Variants in TMEM131 observed in about 807,000 individuals in gnomAD.
The protein encoded by TMEM131 is transmembrane protein 131.
TMEM131 carries 66 observed loss-of-function variants against 211.6 expected under a neutral mutation model. The ratio of observed to expected loss-of-function variants is 0.31; its 90% CI spans 0.26 to 0.38. The LOEUF is 0.38. TMEM131 is among the 10% of genes least tolerant of loss of function. The pLI is 1.00. For synonymous variants in TMEM131, 844 were observed against 841.3 expected, an observed-to-expected ratio of 1.00 and a Z score of -0.06; for missense variants, 2,036 against 2,299.3, an observed-to-expected ratio of 0.89 and a Z score of 2.34.
intron 1 of TMEM131, among the ~76,000 whole-genome samples, chr2:97,980,101 C>T (rs1011794505): frequency 6.6e-6 from 1 of 152,158 alleles, no homozygotes; most frequent in African/African-American, 2.4e-5. Flanking sequence ...GTTAAGCCTG[C>T]AGTGTCATAT....
chr2:97,826,534 A>G (rs1303404505), intron 11 of TMEM131, among the ~76,000 whole-genome samples: 1 of 152,154 alleles, frequency 6.6e-6, no homozygotes, highest in Non-Finnish European at 1.5e-5. Context: ...AGAGGCAGGG[A>G]AAGACCAGCA....
intron 1 of TMEM131, among the ~76,000 whole-genome samples, chr2:97,936,325 G>C (rs184459505): frequency 2.0e-5 from 3 of 152,200 alleles, no homozygotes; most frequent in Non-Finnish European, 2.9e-5. Flanking sequence ...TCCTGTGTAC[G>C]CATCGGGCTC....
chr2:97,911,289 A>G (rs1676281430), intron 2 of TMEM131, among the ~76,000 whole-genome samples: 2 of 152,178 alleles, frequency 1.3e-5, no homozygotes, highest in Admixed American at 1.3e-4. Flanking sequence ...TTGCCTAAAG[A>G]TAAGGAGCGT....
intron 5 of TMEM131, among the ~76,000 whole-genome samples, chr2:97,858,925 T>G (rs1349612764): frequency 6.6e-6 from 1 of 152,246 alleles, no homozygotes. Flanking sequence ...CCCAGTGTGC[T>G]TACAGTTTAC....
intron 4 of TMEM131, among the ~76,000 whole-genome samples, chr2:97,876,351 T>A (rs1035549712): frequency 1.3e-5 from 2 of 152,208 alleles, no homozygotes; most frequent in African/African-American, 4.8e-5. Flanking sequence ...CCCTAACTCA[T>A]TTTATAAGGC....
In TMEM131 at chr2:97,995,797, T is replaced by C. The variant is rs3198055; in HGVS notation, c.-135A>G. On this transcript the variant is annotated 5_prime_UTR_variant, in exon 1 of 41. Transcript: ENST00000186436. ...CAACGGTTGCGAGCCCGGGGCTCGA[T>C]CTCCGAGCGTGGGCCTGGGTCCGTG... is the stretch of plus-strand genomic sequence containing the variant. 174,589 of 508,428 alleles carry C rather than the reference T, an allele frequency of 0.34. 34,043 individuals are homozygous for C. Among genetic ancestry groups the C allele is most frequent in the Non-Finnish European group, 0.38 (137,316 of 361,040 alleles). The allele number at this position is 508,428 out of a possible 1,614,324, so 31.5% of individuals were successfully genotyped here.
At chr2:97,980,376 G>A (rs534751858) in intron 1 of TMEM131, among the ~76,000 whole-genome samples, 2 of 152,292 alleles carry the variant, frequency 1.3e-5, no homozygotes, top group African/African-American at 4.8e-5. Flanking sequence ...AGAAATGCCT[G>A]TACCACTACA....
intron 23 of TMEM131, 27 bp from the exon 24 acceptor site, chr2:97,802,564 T>C: frequency 1.2e-6 from 2 of 1,600,934 alleles, no homozygotes; most frequent in Non-Finnish European, 1.7e-6. Context: ...AAACATTAAA[T>C]GAAAGATTTC....
rs1400151690 is a variant in TMEM131 at position 97,811,235 on chromosome 2, G to A, written c.1864-3C>T. 6.2e-7 allele frequency: 1 copy of A among 1,606,126 alleles called. No homozygotes were observed. Among genetic ancestry groups the A allele is most frequent in the Admixed American group, 1.7e-5 (1 of 59,988 alleles). The stretch of plus-strand genomic sequence containing the variant: ...AAATAGCCTGAAGCTAATGTTACCT[G>A]TAGATAGTAGAAATGGTATCATTCA... On this transcript the variant is annotated splice_region_variant and splice_polypyrimidine_tract_variant and intron_variant, in intron 17 of 40. Transcript: ENST00000186436.
At chr2:97,904,899 C>T (rs1239688620) in intron 3 of TMEM131, among the ~76,000 whole-genome samples, 2 of 151,570 alleles carry the variant, frequency 1.3e-5, no homozygotes, top group Non-Finnish European at 2.9e-5. Flanking sequence ...CATCTAAGAA[C>T]CTTACAACTC....
At chr2:97,945,805 C>T (rs1261203733) in intron 1 of TMEM131, among the ~76,000 whole-genome samples, 1 of 151,996 alleles carries the variant, frequency 6.6e-6, no homozygotes, top group Non-Finnish European at 1.5e-5. Flanking sequence ...AAAAGAAAAC[C>T]ACTACTGTAA....
Position 97,941,182 on chromosome 2 carries a change from C to T in TMEM131, c.188-13695G>A, listed in dbSNP as rs574672457. 3.3e-5 allele frequency among the ~76,000 whole-genome samples: 5 copies of T among 152,254 alleles called. No individual in the cohort carries two copies. The East Asian group carries it at 9.6e-4, about 29-fold the overall frequency. ...AGAAATAATACAACACATCTACAACCATCTGATCTTTGACAAACCTGACAA... is the reference window on the plus strand; with the variant it reads ...AGAAATAATACAACACATCTACAACTATCTGATCTTTGACAAACCTGACAA... On this transcript the variant is annotated intron_variant, in intron 1 of 40. Coordinates refer to ENST00000186436, the MANE Select transcript of TMEM131 (RefSeq NM_015348.2).
In TMEM131 at chr2:97,809,687, C is replaced by A. The variant is rs1276560541; in HGVS notation, c.2055+1G>T. ...AAAAATGTGTGTATTAATGGTCTTACTGGAAAGGAAGGTGGAAGAACCACG... is the reference window on the plus strand; with the variant it reads ...AAAAATGTGTGTATTAATGGTCTTAATGGAAAGGAAGGTGGAAGAACCACG... On this transcript the variant is annotated splice_donor_variant, in intron 19 of 40. Transcript: ENST00000186436. LOFTEE classifies it high-confidence loss of function. The A allele has an allele frequency of 6.2e-7, 1 of 1,608,670 alleles. No individual in the cohort carries two copies. Among genetic ancestry groups the A allele is most frequent in the Admixed American group, 1.7e-5 (1 of 59,468 alleles).
chr2:97,902,832 G>T (rs1221876894), intron 3 of TMEM131, among the ~76,000 whole-genome samples: 1 of 152,128 alleles, frequency 6.6e-6, no homozygotes, highest in Non-Finnish European at 1.5e-5. Flanking sequence ...AACATGAAAA[G>T]AGAGATGGGC....
At chr2:97,986,238 G>A (rs1655413814) in intron 1 of TMEM131, among the ~76,000 whole-genome samples, 1 of 152,138 alleles carries the variant, frequency 6.6e-6, no homozygotes, top group Non-Finnish European at 1.5e-5. Flanking sequence ...GCCAGTGTGG[G>A]GAAGTAAGCA....
At chr2:97,978,395 C>T (rs560124923) in intron 1 of TMEM131, among the ~76,000 whole-genome samples, 1 of 152,270 alleles carries the variant, frequency 6.6e-6, no homozygotes, top group Admixed American at 6.5e-5. Flanking sequence ...TTTATCGTAA[C>T]ACTGCAGCAA....
intron 18 of TMEM131, among the ~76,000 whole-genome samples, chr2:97,810,914 TG>T (rs1170937918): frequency 6.6e-6 from 1 of 152,230 alleles, no homozygotes; most frequent in Non-Finnish European, 1.5e-5. Flanking sequence ...CTTCTGAAGT[TG>T]CTTTTTAGGT....
At chr2:97,959,452 T>C (rs1417114280) in intron 1 of TMEM131, among the ~76,000 whole-genome samples, 1 of 152,182 alleles carries the variant, frequency 6.6e-6, no homozygotes, top group East Asian at 1.9e-4. Flanking sequence ...GTAGAAAAGG[T>C]TAACCTACAG....
intron 4 of TMEM131, among the ~76,000 whole-genome samples, chr2:97,873,298 G>A (rs1033267082): frequency 5.8e-4 from 88 of 152,252 alleles, no homozygotes; most frequent in Non-Finnish European, 1.1e-3. Context: ...AGCACCTGGG[G>A]AAAGGGGCAG....
Sources: gnomAD v4.1 joint callset for allele counts (sites outside exome capture counted in the v4.1 genomes callset) on GRCh38, gnomAD v4.1.1 for gene constraint, MANE v1.5 for transcripts, NCBI Gene and HGNC (gene_info 2026-07-23, HGNC 2026-07-21) for gene names.